The following FBXO47 variants were observed in gnomAD, a reference collection of about 807,000 sequenced individuals.
FBXO47 encodes F-box only protein 47.
In FBXO47, 34 loss-of-function variants were observed where a neutral mutation model predicts 53.9. That is an observed-to-expected ratio of 0.63 (90% CI 0.48 to 0.84). The LOEUF is 0.84. Among genes scored for constraint, FBXO47 ranks in the 40% least tolerant of loss-of-function variants. The pLI is 0.00. For synonymous variants in FBXO47, 165 were observed against 181.6 expected, an observed-to-expected ratio of 0.91 and a Z score of 0.73; for missense variants, 485 against 541.3, an observed-to-expected ratio of 0.90 and a Z score of 1.03.
At chr17:38,951,935 C>T (rs1232540895) in intron 5 of FBXO47, among the ~76,000 whole-genome samples, 2 of 151,914 alleles carry the variant, frequency 1.3e-5, no homozygotes, top group Non-Finnish European at 2.9e-5. Context: ...GAGGCTGAGT[C>T]AGAATTGCTT....
chr17:38,961,152 G>T, intron 3 of FBXO47, among the ~76,000 whole-genome samples: 1 of 151,846 alleles, frequency 6.6e-6, no homozygotes, highest in East Asian at 1.9e-4. Flanking sequence ...AGCATCCTTG[G>T]GCTACTAAAA....
intron 6 of FBXO47, among the ~76,000 whole-genome samples, chr17:38,949,876 T>C (rs1183411840): frequency 6.6e-6 from 1 of 152,138 alleles, no homozygotes; most frequent in Non-Finnish European, 1.5e-5. Flanking sequence ...GGATTACAGG[T>C]GTGAGCCACC....
chr17:38,961,068 T>C (rs2143964348), intron 3 of FBXO47, among the ~76,000 whole-genome samples: 1 of 152,324 alleles, frequency 6.6e-6, no homozygotes, highest in South Asian at 2.1e-4. Context: ...TTTGGTCTTA[T>C]TAAATAAACA....
At chr17:38,965,074 T>A (rs1224825212) in intron 1 of FBXO47, among the ~76,000 whole-genome samples, 1 of 152,216 alleles carries the variant, frequency 6.6e-6, no homozygotes, top group Non-Finnish European at 1.5e-5. Flanking sequence ...GGTCTGGAAC[T>A]GCTGACCTCA....
chr17:38,946,968 ATAAATATATG>A (rs1194580808), intron 6 of FBXO47, among the ~76,000 whole-genome samples: 3 of 116,348 alleles, frequency 2.6e-5, no homozygotes, highest in South Asian at 5.6e-4. Flanking sequence ...ATAAACATAT[ATAAATATATG>A]TAAATATATA....
At chr17:38,953,296 G>C (rs990306020) in intron 5 of FBXO47, among the ~76,000 whole-genome samples, 1 of 151,634 alleles carries the variant, frequency 6.6e-6, no homozygotes, top group African/African-American at 2.4e-5. Context: ...TCCAGCCTGG[G>C]TGACAGAGCA....
chr17:38,944,189 A>T lies in FBXO47; in HGVS notation c.794-453T>A, dbSNP rs983362954. ...ACAGCGAGACTCTGTCTCAAAAAAA[A>T]CATGTGTGTGTGTGTGTGTGTGTGT... On this transcript the variant is annotated intron_variant, in intron 7 of 10. Transcript: ENST00000378079. Among the ~76,000 whole-genome samples the T allele has an allele frequency of 6.4e-3, 690 of 108,626 alleles. 31 individuals carry two copies. In the East Asian group the frequency reaches 0.13, roughly 20 times the overall value. The allele number at this position is 108,626 out of a possible 152,430, so 71.3% of individuals were successfully genotyped here.
chr17:38,962,160 A>T, intron 2 of FBXO47, 113 bp from the exon 3 acceptor site: 1 of 850,436 alleles, frequency 1.2e-6, no homozygotes, highest in Non-Finnish European at 1.8e-6. Flanking sequence ...TATCACCATC[A>T]TCATCCCTTT....
chr17:38,961,817 TAA>T, intron 3 of FBXO47, 58 bp downstream of exon 3: 1 of 1,441,650 alleles, frequency 6.9e-7, no homozygotes, highest in Non-Finnish European at 9.6e-7. Context: ...AATTGTATAC[TAA>T]GTTTCTCTTA....
chr17:38,939,652 CTTTTTTTTTTTT>C (rs970784178), intron 9 of FBXO47, among the ~76,000 whole-genome samples: 2 of 91,108 alleles, frequency 2.2e-5, no homozygotes, highest in African/African-American at 4.7e-5. Context: ...TAAAAGGTTT[CTTTTTTTTTTTT>C]TTTTTTTTTT....
intron 6 of FBXO47, among the ~76,000 whole-genome samples, chr17:38,950,194 T>A (rs979561782): frequency 6.6e-6 from 1 of 151,478 alleles, no homozygotes; most frequent in Non-Finnish European, 1.5e-5. Flanking sequence ...TCCCCTCAGC[T>A]CCTGGTAACC....
At chr17:38,951,200 T>C (rs980594517) in intron 6 of FBXO47, among the ~76,000 whole-genome samples, 3 of 152,080 alleles carry the variant, frequency 2.0e-5, no homozygotes, top group Non-Finnish European at 4.4e-5. Context: ...CCACTATTTA[T>C]TTTTTTATTT....
intron 6 of FBXO47, among the ~76,000 whole-genome samples, chr17:38,947,739 C>G (rs1165873316): frequency 6.6e-6 from 1 of 152,034 alleles, no homozygotes; most frequent in Non-Finnish European, 1.5e-5. Flanking sequence ...GAAATCCCGT[C>G]TTTACTAAAA....
intron 1 of FBXO47, among the ~76,000 whole-genome samples, chr17:38,963,634 T>C (rs1181704932): frequency 6.6e-6 from 1 of 152,184 alleles, no homozygotes; most frequent in African/African-American, 2.4e-5. Context: ...TTTGACTTTT[T>C]AAAAGAATAT....
chr17:38,964,182 G>A (rs530701028), intron 1 of FBXO47, among the ~76,000 whole-genome samples: 5 of 152,168 alleles, frequency 3.3e-5, no homozygotes, highest in Admixed American at 6.6e-5. Context: ...GCTACTGGCC[G>A]AGTGACGTGA....
At chr17:38,956,819 A>G (rs1905579748) in intron 4 of FBXO47, among the ~76,000 whole-genome samples, 1 of 152,186 alleles carries the variant, frequency 6.6e-6, no homozygotes, top group Non-Finnish European at 1.5e-5. Context: ...CATTTAAACA[A>G]TAAAATTTCA....
chr17:38,951,585 T>A lies in FBXO47; in HGVS notation c.612A>T (p.Lys204Asn). 1 of 1,608,372 alleles carries A rather than the reference T, an allele frequency of 6.2e-7. No individual in the cohort carries two copies. The highest frequency in any genetic ancestry group is 1.3e-5 in the African/African-American group (1 of 74,858). The change falls in exon 6 of 11, where the codon AAA becomes AAT. Residue 204 changes from lysine (K) to asparagine (N), a missense_variant. Transcript: ENST00000378079. ...CRKIQMAVCS[K>N]PGSAQKLELR... The stretch of plus-strand genomic sequence containing the variant: ...ATGCAAATTATAGTTTTTTACCTGG[T>A]TTGCTGCAGACAGCCATTTGTATCT...
At chr17:38,955,356 C>T (rs1905498762) in intron 4 of FBXO47, among the ~76,000 whole-genome samples, 1 of 149,448 alleles carries the variant, frequency 6.7e-6, no homozygotes, top group South Asian at 2.1e-4. Flanking sequence ...CCATGGCACT[C>T]CAGCCTGGGT....
At chr17:38,941,722 G>A (rs543327185) in intron 9 of FBXO47, among the ~76,000 whole-genome samples, 1 of 149,820 alleles carries the variant, frequency 6.7e-6, no homozygotes, top group African/African-American at 2.4e-5. Context: ...TGCCCAGACT[G>A]GAGTACAGTG....
Sources: gnomAD v4.1 joint callset for allele counts (sites outside exome capture counted in the v4.1 genomes callset) on GRCh38, gnomAD v4.1.1 for gene constraint, MANE v1.5 for transcripts, NCBI Gene and HGNC (gene_info 2026-07-23, HGNC 2026-07-21) for gene names.